The following GRM8 variants were observed in gnomAD, a reference collection of about 807,000 sequenced individuals.
The protein encoded by GRM8 is glutamate metabotropic receptor 8.
Under a neutral mutation model 87.2 loss-of-function variants are expected in GRM8, and 47 were observed. That is an observed-to-expected ratio of 0.54 (90% CI 0.43 to 0.69). The LOEUF is 0.69. Among genes scored for constraint, GRM8 ranks in the 30% least tolerant of loss-of-function variants. The probability of loss-of-function intolerance (pLI) is 0.00; values close to 1 mark genes in which losing one functional copy is unlikely to be tolerated. For synonymous variants in GRM8, 396 were observed against 404.5 expected (o/e 0.98, Z 0.25); for missense variants, 1,019 against 1,139.2 (o/e 0.89, Z 1.52).
rs1310211298 is a variant in GRM8, at chr7:126,533,605, A to G, written c.1777T>C (p.Leu593=). ...ACAAAGGTGGTGGCGATGATTCCCA[A>G]TATTGCAACAAACACAGGCACCACA... The part of the protein sequence containing the change: ...WAVVPVFVAI[L]GIIATTFVIV... Residue 593 remains leucine (L), a synonymous_variant, in exon 9 of 11, where the codon TTG becomes CTG. Coordinates refer to ENST00000339582, the MANE Select transcript of GRM8 (RefSeq NM_000845.3). 5.0e-6 allele frequency: 8 copies of G among 1,613,936 alleles called. No individual in the cohort carries two copies. The highest frequency in any genetic ancestry group is 6.8e-6 in the Non-Finnish European group (8 of 1,180,002).
At chr7:126,627,998 G>C (rs904813971) in intron 7 of GRM8, among the ~76,000 whole-genome samples, 1 of 152,070 alleles carries the variant, frequency 6.6e-6, no homozygotes, top group Admixed American at 6.6e-5. Context: ...TGGGTATCAG[G>C]TTATACTGAC....
In GRM8 at chr7:127,223,214, A is replaced by C. The variant is rs556134010; in HGVS notation, c.510+19481T>G. On this transcript the variant is annotated intron_variant, in intron 2 of 10. Coordinates refer to ENST00000339582, the MANE Select transcript of GRM8 (RefSeq NM_000845.3). ...TCAGGACCCAGGGAATGACATGGCA[A>C]CGAGTTCCTGAATTTTCTTTTTCCC... Among the ~76,000 whole-genome samples the C allele has an allele frequency of 6.2e-4, 95 of 152,210 alleles. No individual in the cohort carries two copies. In the Middle Eastern group the frequency reaches 0.014, roughly 22 times the overall value.
At chr7:126,642,466 A>G (rs1585333087) in intron 7 of GRM8, among the ~76,000 whole-genome samples, 1 of 151,918 alleles carries the variant, frequency 6.6e-6, no homozygotes, top group African/African-American at 2.4e-5. Flanking sequence ...GTGAAACCCC[A>G]TCTCTACTAA....
rs186706909 is a variant in GRM8, at chr7:127,053,557, T to C, written c.727+52939A>G. On this transcript the variant is annotated intron_variant, in intron 3 of 10. Transcript: ENST00000339582. ...GTAATCCCGGCACTTTGGGAGGCCG[T>C]GGCAGGCGGATCACAAGGTCAGGAG... Among the ~76,000 whole-genome samples, 337 of 152,168 alleles carry C rather than the reference T, an allele frequency of 2.2e-3. 5 individuals carry two copies. The highest frequency in any genetic ancestry group is 0.02 in the Admixed American group (313 of 15,272).
At chr7:127,206,276 A>G (rs746580055) in intron 2 of GRM8, among the ~76,000 whole-genome samples, 15 of 152,180 alleles carry the variant, frequency 9.9e-5, no homozygotes, top group Non-Finnish European at 1.9e-4. Flanking sequence ...AAGCCTATCA[A>G]TAAGCTTGCC....
intron 6 of GRM8, among the ~76,000 whole-genome samples, chr7:126,856,371 C>A (rs928928687): frequency 6.6e-6 from 1 of 151,834 alleles, no homozygotes; most frequent in Non-Finnish European, 1.5e-5. Flanking sequence ...TTTTAACAAT[C>A]TGTTCTGAAG....
chr7:126,994,189 G>A (rs1395699785), intron 3 of GRM8, among the ~76,000 whole-genome samples: 1 of 152,088 alleles, frequency 6.6e-6, no homozygotes, highest in East Asian at 1.9e-4. Context: ...AGTGAGGCCT[G>A]CATCCTAGGC....
rs187405824 is a variant in GRM8, at chr7:126,543,025, G to A, written c.1495-9138C>T. Among the ~76,000 whole-genome samples the A allele has an allele frequency of 5.9e-4, 90 of 152,232 alleles. 1 individual carries two copies. In the Middle Eastern group the frequency reaches 0.01, roughly 17 times the overall value. ...TTCTGATTTGACATCCATCCTTAGT[G>A]TTTCACTTCTTTCCACTGCATACAT... On this transcript the variant is annotated intron_variant, in intron 8 of 10. Transcript: ENST00000339582.
Position 127,192,697 on chromosome 7 carries a change from G to C in GRM8, c.510+49998C>G, listed in dbSNP as rs999627510. On this transcript the variant is annotated intron_variant, in intron 2 of 10. Transcript: ENST00000339582. ...AGGTCATGTTCTACGCAAGTACAAGGACTGGGCTGCCATCCTTACATTCTT... is the reference window on the plus strand; with the variant it reads ...AGGTCATGTTCTACGCAAGTACAAGCACTGGGCTGCCATCCTTACATTCTT... Among the ~76,000 whole-genome samples, 5 of 152,320 alleles carry C rather than the reference G, an allele frequency of 3.3e-5. No individual in the cohort carries two copies. In the South Asian group the frequency reaches 1.0e-3, roughly 32 times the overall value.
intron 6 of GRM8, among the ~76,000 whole-genome samples, chr7:126,849,521 TTAA>T (rs1304098430): frequency 7.9e-5 from 12 of 152,212 alleles, no homozygotes; most frequent in Non-Finnish European, 5.9e-5. Flanking sequence ...GGAAAATGAA[TTAA>T]TGTTTGCTTA....
intron 6 of GRM8, among the ~76,000 whole-genome samples, chr7:126,845,851 G>A (rs1166065853): frequency 6.6e-6 from 1 of 151,996 alleles, no homozygotes; most frequent in Non-Finnish European, 1.5e-5. Flanking sequence ...TCATGTCAGG[G>A]AAGGTATGTG....
intron 7 of GRM8, among the ~76,000 whole-genome samples, chr7:126,672,730 G>T (rs568182995): frequency 6.6e-6 from 1 of 152,126 alleles, no homozygotes; most frequent in South Asian, 2.1e-4. Context: ...TGGGATTTTT[G>T]AGCTATCCTT....
rs1050697065 is a variant in GRM8 at position 127,252,393 on chromosome 7, G to C, written c.-312+404C>G. Reference sequence around the variant, plus strand: ...CTTTACTGTAATGTAATCATGGGCAGACAAGAGGGGTGGCTGCCTTGTTCT... The same window carrying C: ...CTTTACTGTAATGTAATCATGGGCACACAAGAGGGGTGGCTGCCTTGTTCT... On this transcript the variant is annotated intron_variant, in intron 1 of 10. Coordinates refer to ENST00000339582, the MANE Select transcript of GRM8 (RefSeq NM_000845.3). The surrounding 1 kb of genome is among the most constrained non-coding windows in gnomAD (Gnocchi z 4.9). 1.3e-5 allele frequency: 2 copies of C among 152,198 alleles called. No individual in the cohort carries two copies. The highest frequency in any genetic ancestry group is 2.9e-5 in the Non-Finnish European group (2 of 68,052). 9.4% of individuals were successfully genotyped at this position (152,198 alleles called of 1,614,324 possible).
intron 7 of GRM8, among the ~76,000 whole-genome samples, chr7:126,758,476 G>A (rs1358173692): frequency 2.0e-5 from 3 of 152,068 alleles, no homozygotes; most frequent in Non-Finnish European, 2.9e-5. Context: ...CTACTCTCTC[G>A]GTTACTGAGT....
intron 3 of GRM8, among the ~76,000 whole-genome samples, chr7:127,061,720 C>G (rs1203382906): frequency 6.6e-6 from 1 of 152,152 alleles, no homozygotes; most frequent in Non-Finnish European, 1.5e-5. Context: ...TTACTGATGA[C>G]AGGACTTTAT....
intron 9 of GRM8, among the ~76,000 whole-genome samples, chr7:126,486,742 G>A (rs752117981): frequency 1.8e-4 from 27 of 152,036 alleles, no homozygotes; most frequent in Admixed American, 5.9e-4. Context: ...TAATAACAAA[G>A]GTAAGCCCAT....
At chr7:126,547,771 A>G (rs1465328926) in intron 8 of GRM8, among the ~76,000 whole-genome samples, 1 of 152,140 alleles carries the variant, frequency 6.6e-6, no homozygotes, top group Non-Finnish European at 1.5e-5. Flanking sequence ...CTAGATTAAA[A>G]CATTCTACTG....
chr7:126,514,778 C>T (rs1182573220), intron 9 of GRM8, among the ~76,000 whole-genome samples: 1 of 151,802 alleles, frequency 6.6e-6, no homozygotes, highest in East Asian at 1.9e-4. Flanking sequence ...TGTTCATTAC[C>T]ATTCTCATTG....
chr7:127,224,774 T>C (rs905877499), intron 2 of GRM8, among the ~76,000 whole-genome samples: 7 of 152,050 alleles, frequency 4.6e-5, no homozygotes, highest in Admixed American at 2.6e-4. Context: ...AGGGAGGTAA[T>C]TTTCTTTTTC....
Sources: allele counts gnomAD v4.1 joint callset (sites outside exome capture counted in the v4.1 genomes callset), GRCh38; gene constraint gnomAD v4.1.1; non-coding constraint Gnocchi (gnomAD v3.1); transcripts MANE v1.5; gene names NCBI Gene and HGNC (gene_info 2026-07-23, HGNC 2026-07-21).